The following RPL38 variants were observed in gnomAD, a reference collection of about 807,000 sequenced individuals.
The protein encoded by RPL38 is large ribosomal subunit protein eL38.
Under a neutral mutation model 12.8 loss-of-function variants are expected in RPL38, and 2 were observed. The ratio of observed to expected loss-of-function variants is 0.16; its 90% confidence interval spans 0.06 to 0.49. The LOEUF is 0.49. Ranked by LOEUF, RPL38 falls within the 20% of genes least tolerant of loss-of-function variation. The pLI is 0.96. For missense variants in RPL38, 52 were observed against 79.8 expected (o/e 0.65, Z 1.33); for synonymous variants, 42 against 30.1 (o/e 1.39, Z -1.29).
rs532541648 is a variant in RPL38 at position 74,209,629 on chromosome 17, G to A, written c.188-175G>A. The stretch of plus-strand genomic sequence containing the variant: ...ATATAATAGACCAAGTCTTTTTATC[G>A]AATATAATAGACCAAGTCTTTTTAT... On this transcript the variant is annotated intron_variant, in intron 4 of 4. Transcript: ENST00000311111. Among the ~76,000 whole-genome samples the A allele has an allele frequency of 1.4e-4, 21 of 152,168 alleles. No homozygotes were observed. The South Asian group carries it at 3.7e-3, about 27-fold the overall frequency.
At chr17:74,205,293 A>G (rs2050102636) in intron 3 of RPL38, 1 of 152,218 alleles carries the variant, frequency 6.6e-6, no homozygotes, top group Non-Finnish European at 1.5e-5. Flanking sequence ...TTGTTACTTT[A>G]ACCCAGTCAT....
At chr17:74,205,018 T>A (rs2050099415) in intron 3 of RPL38, 1 of 152,272 alleles carries the variant, frequency 6.6e-6, no homozygotes, top group Non-Finnish European at 1.5e-5. Flanking sequence ...TTCTACTGAA[T>A]GTATATCGCA....
At chr17:74,204,808 C>T (rs1318037422) in intron 3 of RPL38, 2 of 152,074 alleles carry the variant, frequency 1.3e-5, no homozygotes, top group South Asian at 4.1e-4. Flanking sequence ...TTCAAGCGAT[C>T]CCCCTGCCTC....
chr17:74,210,063 C>A lies in RPL38; in HGVS notation c.*234C>A, dbSNP rs368402247. 558 of 439,526 alleles carry A rather than the reference C, an allele frequency of 1.3e-3. 3 individuals carry two copies. Among genetic ancestry groups the A allele is most frequent in the African/African-American group, 0.011 (524 of 47,716 alleles). The allele number at this position is 439,526 out of a possible 1,614,324, so 27.2% of individuals were successfully genotyped here. ...AGCACAGTGGTGCGATATCAGCTCA[C>A]TACCACCTCCGCCTCCTGGGTTCAA... On this transcript the variant is annotated 3_prime_UTR_variant, in exon 5 of 5. Coordinates refer to ENST00000311111, the MANE Select transcript of RPL38 (RefSeq NM_000999.4).
At chr17:74,209,055 G>C in intron 3 of RPL38, 132 bp from the exon 4 acceptor site, 1 of 898,496 alleles carries the variant, frequency 1.1e-6, no homozygotes, top group Non-Finnish European at 1.8e-6. Flanking sequence ...TTTTCTGTTT[G>C]CACAGAGGGA....
chr17:74,210,539 C>T lies in RPL38; in HGVS notation c.*710C>T, dbSNP rs1029283547. 2.6e-5 allele frequency: 4 copies of T among 152,278 alleles called. No individual in the cohort carries two copies. The highest frequency in any genetic ancestry group is 4.4e-5 in the Non-Finnish European group (3 of 68,082). 9.4% of individuals were successfully genotyped at this position (152,278 alleles called of 1,614,324 possible). Reference sequence around the variant, plus strand: ...AACACCTCTTTCATTGGCTTGCTGTCAGGGTACTGGGATGGGGGGAGGTGC... The same window carrying T: ...AACACCTCTTTCATTGGCTTGCTGTTAGGGTACTGGGATGGGGGGAGGTGC... On this transcript the variant is annotated 3_prime_UTR_variant, in exon 5 of 5. Transcript: ENST00000311111.
chr17:74,209,792 C>A lies in RPL38; in HGVS notation c.188-12C>A, dbSNP rs774660058. On this transcript the variant is annotated splice_polypyrimidine_tract_variant and intron_variant, in intron 4 of 4. Coordinates refer to ENST00000311111, the MANE Select transcript of RPL38 (RefSeq NM_000999.4). ...TCTTCTGGATGGCTTACTTTTGTCT[C>A]TTTCCCTCTAGGTTTGGCAGTGAAG... The A allele has an allele frequency of 2.5e-6, 4 of 1,612,464 alleles. No homozygotes were observed. The East Asian group carries it at 6.7e-5, about 27-fold the overall frequency.
intron 4 of RPL38, 92 bp from the exon 5 acceptor site, chr17:74,209,712 G>A (rs2050147339): frequency 9.3e-7 from 1 of 1,074,904 alleles, no homozygotes; most frequent in Non-Finnish European, 1.4e-6. Flanking sequence ...TGAACCTTGT[G>A]TGCTCTCTTT....
intron 3 of RPL38, chr17:74,205,598 A>T (rs193044004): frequency 6.6e-6 from 1 of 152,294 alleles, no homozygotes; most frequent in East Asian, 1.9e-4. Flanking sequence ...GTGTAAAGAG[A>T]TGAGGTTATC....
chr17:74,205,507 CAG>C (rs1177763899), intron 3 of RPL38: 2 of 152,194 alleles, frequency 1.3e-5, no homozygotes, highest in Admixed American at 6.5e-5. Flanking sequence ...TTACCCAAAA[CAG>C]GCTGTCACCT....
intron 3 of RPL38, among the ~76,000 whole-genome samples, chr17:74,207,011 C>T (rs531067656): frequency 3.3e-5 from 5 of 151,944 alleles, no homozygotes; most frequent in East Asian, 3.9e-4. Flanking sequence ...CCACTGTGCC[C>T]GGCCTGCAAT....
chr17:74,207,348 C>G (rs926662146), intron 3 of RPL38, among the ~76,000 whole-genome samples: 1 of 152,038 alleles, frequency 6.6e-6, no homozygotes, highest in African/African-American at 2.4e-5. Context: ...TGTGGGTAGG[C>G]CACGGTTTGT....
chr17:74,204,337 C>A (rs542926113), intron 3 of RPL38, 147 bp downstream of exon 3: 3 of 683,246 alleles, frequency 4.4e-6, no homozygotes, highest in Non-Finnish European at 7.6e-6. Context: ...CATCCTGTTT[C>A]CCATGAGAAA....
chr17:74,209,600 T>G (rs1307858649), intron 4 of RPL38: 1 of 626,616 alleles, frequency 1.6e-6, no homozygotes, highest in African/African-American at 1.8e-5. Flanking sequence ...GGGGAACAGA[T>G]GAAATATAAT....
chr17:74,206,021 A>G (rs1490001082), intron 3 of RPL38: 2 of 152,194 alleles, frequency 1.3e-5, no homozygotes, highest in East Asian at 3.9e-4. Flanking sequence ...CTGTCTCACA[A>G]AAAAAATTGG....
chr17:74,204,232 C>G (rs1414188028), intron 3 of RPL38, 42 bp downstream of exon 3: 3 of 1,571,978 alleles, frequency 1.9e-6, no homozygotes, highest in African/African-American at 1.4e-5. Flanking sequence ...CGGTGCCTAG[C>G]CTGGCACCGC....
intron 3 of RPL38, among the ~76,000 whole-genome samples, chr17:74,207,983 T>A (rs190761895): frequency 6.6e-6 from 1 of 152,234 alleles, no homozygotes; most frequent in Non-Finnish European, 1.5e-5. Flanking sequence ...GTCACAGTGC[T>A]GCTTCCTCTG....
intron 3 of RPL38, among the ~76,000 whole-genome samples, chr17:74,206,708 CTT>C (rs35333460): frequency 1.9e-4 from 19 of 101,590 alleles, no homozygotes; most frequent in African/African-American, 5.1e-4. Flanking sequence ...TTTTTTCTTT[CTT>C]TTTTTTTTTT....
At chr17:74,207,957 C>T (rs1320440287) in intron 3 of RPL38, among the ~76,000 whole-genome samples, 3 of 152,200 alleles carry the variant, frequency 2.0e-5, no homozygotes, top group South Asian at 2.1e-4. Flanking sequence ...CAGCCCGTGC[C>T]TTGGGCAGGC....
Sources: gnomAD v4.1 joint callset for allele counts (sites outside exome capture counted in the v4.1 genomes callset) on GRCh38, gnomAD v4.1.1 for gene constraint, MANE v1.5 for transcripts, NCBI Gene and HGNC (gene_info 2026-07-23, HGNC 2026-07-21) for gene names.